Variants in EPHA6 observed in about 807,000 individuals in gnomAD.
EPHA6 encodes the protein ephrin type-A receptor 6.
Under a neutral mutation model 112.0 loss-of-function variants are expected in EPHA6, and 50 were observed. The ratio of observed to expected loss-of-function variants is 0.45; its 90% CI spans 0.36 to 0.56. The LOEUF is 0.56. EPHA6 is among the 20% of genes least tolerant of loss of function. The probability of loss-of-function intolerance (pLI) is 0.00; values close to 1 mark genes in which losing one functional copy is unlikely to be tolerated. For missense variants in EPHA6, 1,280 were observed against 1,417.4 expected (o/e 0.90, Z 1.56); for synonymous variants, 529 against 490.7 (o/e 1.08, Z -1.03).
intron 7 of EPHA6, among the ~76,000 whole-genome samples, chr3:97,457,909 T>C (rs1403943239): frequency 6.6e-6 from 1 of 150,978 alleles, no homozygotes. Context: ...CTACTAAAAA[T>C]ACAAAAAAAT....
chr3:97,530,942 A>C (rs2092688465), intron 10 of EPHA6, among the ~76,000 whole-genome samples: 1 of 152,076 alleles, frequency 6.6e-6, no homozygotes, highest in South Asian at 2.1e-4. Context: ...ATTGAAATCT[A>C]TTGTACTGCC....
intron 3 of EPHA6, among the ~76,000 whole-genome samples, chr3:96,995,823 A>G (rs940070107): frequency 3.3e-5 from 5 of 152,138 alleles, no homozygotes; most frequent in African/African-American, 1.2e-4. Flanking sequence ...CTGGTGGAGA[A>G]TCTTGACTCG....
chr3:96,996,243 C>G (rs921191902), intron 3 of EPHA6, among the ~76,000 whole-genome samples: 3 of 152,042 alleles, frequency 2.0e-5, no homozygotes, highest in African/African-American at 7.2e-5. Flanking sequence ...TGCTTTTTCT[C>G]TTGCTATATC....
intron 11 of EPHA6, among the ~76,000 whole-genome samples, chr3:97,576,804 A>G (rs2093390742): frequency 6.6e-6 from 1 of 151,422 alleles, no homozygotes; most frequent in South Asian, 2.1e-4. Context: ...ATAATGGTAG[A>G]ATGTATAAGA....
chr3:96,937,089 T>C (rs1472849003), intron 2 of EPHA6, among the ~76,000 whole-genome samples: 1 of 152,230 alleles, frequency 6.6e-6, no homozygotes, highest in Non-Finnish European at 1.5e-5. Context: ...TGTGTCTTTA[T>C]AGCAGCACGA....
At chr3:96,851,550 C>T (rs956459216) in intron 1 of EPHA6, among the ~76,000 whole-genome samples, 1 of 152,048 alleles carries the variant, frequency 6.6e-6, no homozygotes, top group African/African-American at 2.4e-5. Flanking sequence ...ACAGTCTTTC[C>T]TGGGAGATAA....
intron 3 of EPHA6, among the ~76,000 whole-genome samples, chr3:97,004,051 G>C (rs2043782991): frequency 6.6e-6 from 1 of 152,012 alleles, no homozygotes; most frequent in African/African-American, 2.4e-5. Flanking sequence ...ACATTGATGG[G>C]CATTTGGTTT....
At chr3:96,969,962 T>G (rs984915636) in intron 2 of EPHA6, among the ~76,000 whole-genome samples, 39 of 152,080 alleles carry the variant, frequency 2.6e-4, no homozygotes, top group African/African-American at 9.4e-4. Flanking sequence ...ATGTGATGTT[T>G]ATAAGAATTA....
intron 2 of EPHA6, among the ~76,000 whole-genome samples, chr3:96,960,963 C>A (rs1301534306): frequency 6.6e-6 from 1 of 152,176 alleles, no homozygotes; most frequent in African/African-American, 2.4e-5. Flanking sequence ...ACAGTTCTTG[C>A]CAGTTCATAT....
chr3:97,520,489 T>C (rs981449770), intron 10 of EPHA6, among the ~76,000 whole-genome samples: 6 of 152,216 alleles, frequency 3.9e-5, no homozygotes, highest in Non-Finnish European at 8.8e-5. Context: ...AGGTGTGGCA[T>C]CTTTGGCTGC....
chr3:96,873,950 A>G (rs774114094), intron 2 of EPHA6, among the ~76,000 whole-genome samples: 45 of 152,246 alleles, frequency 3.0e-4, no homozygotes, highest in Middle Eastern at 3.4e-3. Context: ...TTACCACGTT[A>G]TATATGAAAA....
chr3:97,617,425 C>A (rs1167489879), intron 13 of EPHA6, among the ~76,000 whole-genome samples: 2 of 152,068 alleles, frequency 1.3e-5, no homozygotes, highest in African/African-American at 4.8e-5. Context: ...CCACACATAA[C>A]AATACTAACC....
chr3:97,139,196 C>T (rs2075835712), intron 3 of EPHA6, among the ~76,000 whole-genome samples: 1 of 152,138 alleles, frequency 6.6e-6, no homozygotes, highest in Non-Finnish European at 1.5e-5. Flanking sequence ...GGGCCCTGCC[C>T]ATTACCAGGG....
intron 11 of EPHA6, among the ~76,000 whole-genome samples, chr3:97,556,926 TAA>T (rs1457093107): frequency 2.0e-5 from 3 of 152,104 alleles, no homozygotes; most frequent in African/African-American, 7.2e-5. Context: ...TAACCTCTGC[TAA>T]AACTGTGTTA....
intron 5 of EPHA6, among the ~76,000 whole-genome samples, chr3:97,306,961 T>C (rs978472748): frequency 1.1e-4 from 16 of 151,692 alleles, no homozygotes; most frequent in Non-Finnish European, 2.2e-4. Flanking sequence ...TTACCTTATG[T>C]ATTGATTTTA....
At chr3:97,033,381 G>A (rs2044952864) in intron 3 of EPHA6, among the ~76,000 whole-genome samples, 1 of 151,924 alleles carries the variant, frequency 6.6e-6, no homozygotes, top group Non-Finnish European at 1.5e-5. Context: ...TAGTGGTATA[G>A]GTGAGAAGCT....
chr3:96,925,063 C>A (rs907197109), intron 2 of EPHA6, among the ~76,000 whole-genome samples: 1 of 152,124 alleles, frequency 6.6e-6, no homozygotes, highest in Non-Finnish European at 1.5e-5. Context: ...AGGATTTTTG[C>A]ATCAATGTTC....
rs562349965 is a variant in EPHA6 at position 97,331,551 on chromosome 3, G to C, written c.1607-73599G>C. Reference sequence around the variant, plus strand: ...GAATCAAATAGATGCAATAAAAAATGATAAAGGGGATATCACCACTGATCC... The same window carrying C: ...GAATCAAATAGATGCAATAAAAAATCATAAAGGGGATATCACCACTGATCC... On this transcript the variant is annotated intron_variant, in intron 5 of 17. Transcript: ENST00000389672. 6.6e-5 allele frequency among the ~76,000 whole-genome samples: 10 copies of C among 152,182 alleles called. No homozygotes were observed. In the East Asian group the frequency reaches 1.9e-3, roughly 29 times the overall value.
At chr3:97,391,590 C>A (rs1359976012) in intron 5 of EPHA6, among the ~76,000 whole-genome samples, 17 of 151,740 alleles carry the variant, frequency 1.1e-4, no homozygotes, top group Non-Finnish European at 2.4e-4. Flanking sequence ...AAGTGCGGTA[C>A]AATATATTTG....
Sources: gnomAD v4.1 joint callset for allele counts (sites outside exome capture counted in the v4.1 genomes callset) on GRCh38, gnomAD v4.1.1 for gene constraint, MANE v1.5 for transcripts, NCBI Gene and HGNC (gene_info 2026-07-23, HGNC 2026-07-21) for gene names.